The following CAMK4 variants were observed in gnomAD, a reference collection of about 807,000 sequenced individuals.
CAMK4 encodes calcium/calmodulin-dependent protein kinase type IV.
CAMK4 carries 22 observed loss-of-function variants against 44.9 expected under a neutral mutation model. That is an observed-to-expected ratio of 0.49 (90% CI 0.35 to 0.70). The LOEUF is 0.70. CAMK4 is among the 30% of genes least tolerant of loss of function. The pLI is 0.01. For synonymous variants in CAMK4, 218 were observed against 215.4 expected (o/e 1.01, Z -0.11); for missense variants, 498 against 586.8 (o/e 0.85, Z 1.56).
In CAMK4 at chr5:111,487,463, G is replaced by A. The variant is rs1404135031; in HGVS notation, c.*2997G>A. On this transcript the variant is annotated 3_prime_UTR_variant, in exon 11 of 11. Transcript: ENST00000282356. The stretch of plus-strand genomic sequence containing the variant: ...TAGGTAAAAATTAGAATAATATCGT[G>A]GTAGAAGTTAATTGTCCAGAACAAG... 1 of 151,748 alleles carries A rather than the reference G, an allele frequency of 6.6e-6. No homozygotes were observed. The highest frequency in any genetic ancestry group is 2.4e-5 in the African/African-American group (1 of 41,318). 9.4% of individuals were successfully genotyped at this position (151,748 alleles called of 1,614,324 possible).
intron 1 of CAMK4, among the ~76,000 whole-genome samples, chr5:111,319,748 C>A (rs922274810): frequency 1.3e-5 from 2 of 152,154 alleles, no homozygotes; most frequent in African/African-American, 4.8e-5. Flanking sequence ...CTACCTTTAA[C>A]TGATTGTGGT....
intron 6 of CAMK4, among the ~76,000 whole-genome samples, chr5:111,447,497 A>G (rs1754070697): frequency 1.3e-5 from 2 of 152,252 alleles, no homozygotes; most frequent in African/African-American, 2.4e-5. Context: ...TTGAAAAACT[A>G]TAAAGGTGAA....
intron 4 of CAMK4, among the ~76,000 whole-genome samples, chr5:111,390,652 A>G (rs533718935): frequency 6.0e-4 from 91 of 152,322 alleles, no homozygotes; most frequent in Middle Eastern, 3.4e-3. Context: ...ATGCAGTGCT[A>G]TTAGAAATGT....
chr5:111,323,820 G>A (rs1748762792), intron 1 of CAMK4, among the ~76,000 whole-genome samples: 1 of 152,172 alleles, frequency 6.6e-6, no homozygotes, highest in Non-Finnish European at 1.5e-5. Flanking sequence ...AGAAATCAGT[G>A]AAGAGCATGG....
Position 111,478,418 on chromosome 5 carries a change from G to GATC in CAMK4, c.741_743dup (p.Asp247_Gln248insHis). On this transcript the variant is annotated inframe_insertion, in exon 9 of 11. Coordinates refer to ENST00000282356, the MANE Select transcript of CAMK4 (RefSeq NM_001744.6). The stretch of plus-strand genomic sequence containing the variant: ...TGAACCATTCTATGATGAAAGAGGC[G>GATC]ATCAGTTCATGTTCAGGAGAATTCT... 2 of 1,572,102 alleles carry GATC rather than the reference G, an allele frequency of 1.3e-6. No individual in the cohort carries two copies. The highest frequency in any genetic ancestry group is 1.7e-6 in the Non-Finnish European group (2 of 1,146,084).
At chr5:111,373,062 G>A (rs928801098) in intron 2 of CAMK4, among the ~76,000 whole-genome samples, 10 of 152,078 alleles carry the variant, frequency 6.6e-5, no homozygotes, top group African/African-American at 2.4e-4. Context: ...TGCACAGACT[G>A]GCATCCAAAC....
intron 6 of CAMK4, among the ~76,000 whole-genome samples, chr5:111,448,536 G>A (rs1754108908): frequency 6.6e-6 from 1 of 152,188 alleles, no homozygotes; most frequent in Non-Finnish European, 1.5e-5. Flanking sequence ...GGCTGGGCGC[G>A]GGGGCTCACA....
intron 5 of CAMK4, 90 bp downstream of exon 5, chr5:111,394,872 C>T: frequency 2.4e-6 from 2 of 823,280 alleles, no homozygotes; most frequent in Non-Finnish European, 4.1e-6. Flanking sequence ...CTGTGATAAG[C>T]CATACATTTT....
At chr5:111,259,828 T>C (rs1375196864) in intron 1 of CAMK4, among the ~76,000 whole-genome samples, 7 of 152,186 alleles carry the variant, frequency 4.6e-5, no homozygotes. Context: ...AAGTGGATTT[T>C]TATAGATCAT....
At chr5:111,405,391 C>T (rs1005101712) in intron 5 of CAMK4, among the ~76,000 whole-genome samples, 1 of 152,098 alleles carries the variant, frequency 6.6e-6, no homozygotes, top group African/African-American at 2.4e-5. Context: ...TCATTTGAAC[C>T]CGGTAGGCAG....
At chr5:111,228,226 C>A (rs562096165) in intron 1 of CAMK4, among the ~76,000 whole-genome samples, 1 of 152,152 alleles carries the variant, frequency 6.6e-6, no homozygotes, top group Non-Finnish European at 1.5e-5. Flanking sequence ...ATAATTAGAA[C>A]AAGAGAAGAA....
At chr5:111,385,893 G>C (rs1028029574) in intron 4 of CAMK4, among the ~76,000 whole-genome samples, 2 of 152,034 alleles carry the variant, frequency 1.3e-5, no homozygotes, top group Admixed American at 1.3e-4. Context: ...TATATCTTTT[G>C]AGTCAGGCCT....
Position 111,484,303 on chromosome 5 carries a change from C to A in CAMK4, c.1259C>A (p.Ala420Glu). The change falls in exon 11 of 11, where the codon GCA becomes GAA. Residue 420 changes from alanine (A) to glutamate (E), a missense_variant. Physicochemically the swap from Ala to Glu is moderately radical, Grantham distance 107. This residue lies in a region of CAMK4 where 143 missense variants were observed against 144.9 expected (regional missense o/e 0.99). Coordinates refer to ENST00000282356, the MANE Select transcript of CAMK4 (RefSeq NM_001744.6). The surrounding 1 kb of genome is among the most constrained non-coding windows in gnomAD (Gnocchi z 5.3). ...AEEAPKMVPK[A>E]VEDGIKVADL... ...GAGGCCCCCAAAATGGTGCCCAAGG[C>A]AGTGGAGGATGGGATAAAGGTGGCT... 1 of 1,614,022 alleles carries A rather than the reference C, an allele frequency of 6.2e-7. No homozygotes were observed. Among genetic ancestry groups the A allele is most frequent in the East Asian group, 2.2e-5 (1 of 44,876 alleles).
At chr5:111,406,526 T>G (rs200235269) in intron 5 of CAMK4, among the ~76,000 whole-genome samples, 2 of 64,796 alleles carry the variant, frequency 3.1e-5, no homozygotes, top group Non-Finnish European at 8.7e-5. Context: ...ACCTGGCCAA[T>G]TTTTTTCTTT....
At chr5:111,429,103 C>T (rs1369860782) in intron 5 of CAMK4, among the ~76,000 whole-genome samples, 2 of 151,642 alleles carry the variant, frequency 1.3e-5, no homozygotes, top group Non-Finnish European at 2.9e-5. Flanking sequence ...AAGAGCAAAC[C>T]AAACCTAAAC....
chr5:111,259,882 T>C (rs994679203), intron 1 of CAMK4, among the ~76,000 whole-genome samples: 1 of 152,090 alleles, frequency 6.6e-6, no homozygotes, highest in Non-Finnish European at 1.5e-5. Context: ...ATAAAACATA[T>C]GTGTTAGGAA....
intron 5 of CAMK4, among the ~76,000 whole-genome samples, chr5:111,402,494 T>C (rs2112877550): frequency 6.6e-6 from 1 of 152,330 alleles, no homozygotes; most frequent in Admixed American, 6.5e-5. Context: ...CTTAATGATG[T>C]TTATCCATTT....
At chr5:111,394,327 A>G (rs948528183) in intron 4 of CAMK4, among the ~76,000 whole-genome samples, 6 of 152,190 alleles carry the variant, frequency 3.9e-5, no homozygotes, top group African/African-American at 1.4e-4. Context: ...AGGAAGGAGT[A>G]GAAGTAATTA....
rs200094743 is a variant in CAMK4, at chr5:111,484,154, A to C, written c.1110A>C (p.Lys370Asn). 6.4e-4 allele frequency: 1,038 copies of C among 1,614,196 alleles called. 1 individual carries two copies. Among genetic ancestry groups the C allele is most frequent in the Non-Finnish European group, 7.8e-4 (921 of 1,180,028 alleles). The change falls in exon 11 of 11, where the codon AAA becomes AAC. Residue 370 changes from lysine to asparagine, a missense_variant. Transcript: ENST00000282356. This position sits in a 1 kb window ranked among gnomAD's most constrained non-coding sequence, Gnocchi z 5.3. ...SPIQDGNEDM[K>N]AIPEGEKIQG... ...TCCAAGATGGCAACGAGGACATGAA[A>C]GCTATTCCAGAAGGAGAGAAAATTC...
Sources: allele counts gnomAD v4.1 joint callset (sites outside exome capture counted in the v4.1 genomes callset), GRCh38; gene constraint gnomAD v4.1.1; regional missense constraint gnomAD v4.1.1; non-coding constraint Gnocchi (gnomAD v3.1); transcripts MANE v1.5; gene names NCBI Gene and HGNC (gene_info 2026-07-23, HGNC 2026-07-21).